Variants in TEAD2 observed in about 807,000 individuals in gnomAD.
The protein encoded by TEAD2 is transcriptional enhancer factor TEF-4.
In TEAD2, 51 loss-of-function variants were observed where a neutral mutation model predicts 61.4. The observed-to-expected ratio is 0.83, with a 90% CI of 0.66 to 1.05. The LOEUF is 1.05. Among genes scored for constraint, TEAD2 ranks in the 50% least tolerant of loss-of-function variants. The pLI is 0.00. For missense variants in TEAD2, 509 were observed against 600.0 expected (o/e 0.85, Z 1.58); for synonymous variants, 244 against 243.2 (o/e 1.00, Z -0.03).
intron 12 of TEAD2, among the ~76,000 whole-genome samples, 199 bp downstream of exon 12, chr19:49,342,239 G>A (rs1269729592): frequency 3.7e-5 from 4 of 107,846 alleles, no homozygotes. Flanking sequence ...CCTGGGTGAA[G>A]GGTCCCCTAA....
chr19:49,360,626 G>C (rs1317201786), intron 1 of TEAD2, among the ~76,000 whole-genome samples: 1 of 152,020 alleles, frequency 6.6e-6, no homozygotes, highest in Non-Finnish European at 1.5e-5. Flanking sequence ...AGGAAGGTGT[G>C]GGTGAAACTT....
intron 10 of TEAD2, among the ~76,000 whole-genome samples, chr19:49,344,411 G>T (rs1053620243): frequency 6.6e-6 from 1 of 152,046 alleles, no homozygotes; most frequent in Admixed American, 6.6e-5. Flanking sequence ...CTCCCAAGTG[G>T]CTGGGATTAC....
chr19:49,345,393 C>T (rs1300492353), intron 10 of TEAD2, among the ~76,000 whole-genome samples: 3 of 151,870 alleles, frequency 2.0e-5, no homozygotes, highest in Non-Finnish European at 4.4e-5. Context: ...CATTCTGTCA[C>T]CCAGGCTGGA....
intron 8 of TEAD2, 46 bp downstream of exon 8, chr19:49,351,255 G>A (rs930126086): frequency 1.4e-5 from 22 of 1,563,890 alleles, no homozygotes; most frequent in African/African-American, 1.4e-4. Context: ...AGTAGGGGTC[G>A]AAGAGAGAGA....
chr19:49,351,606 T>C (rs1427629400), intron 7 of TEAD2, among the ~76,000 whole-genome samples: 1 of 152,138 alleles, frequency 6.6e-6, no homozygotes, highest in African/African-American at 2.4e-5. Flanking sequence ...GCAGCAGAGC[T>C]GGGACTTGAA....
At chr19:49,353,435 G>A (rs945347737) in intron 7 of TEAD2, among the ~76,000 whole-genome samples, 40 of 151,914 alleles carry the variant, frequency 2.6e-4, no homozygotes, top group African/African-American at 9.7e-4. Flanking sequence ...AGTCCTACCC[G>A]GCCTTCAATG....
chr19:49,344,081 A>G (rs1971481980), intron 10 of TEAD2, among the ~76,000 whole-genome samples: 1 of 152,030 alleles, frequency 6.6e-6, no homozygotes, highest in Admixed American at 6.6e-5. Flanking sequence ...TCCTGGGCTC[A>G]AGCGATCCTC....
At chr19:49,357,422 T>C in intron 3 of TEAD2, 108 bp from the exon 4 acceptor site, 1 of 1,159,534 alleles carries the variant, frequency 8.6e-7, no homozygotes, top group East Asian at 2.5e-5. Context: ...CCATGAAAGG[T>C]GAAAAACACA....
intron 10 of TEAD2, among the ~76,000 whole-genome samples, chr19:49,343,651 T>A (rs1428479534): frequency 2.6e-5 from 4 of 151,144 alleles, no homozygotes; most frequent in Non-Finnish European, 5.9e-5. Flanking sequence ...CGCAGGAGAA[T>A]CACTTGAACC....
chr19:49,342,544 A>G lies in TEAD2; in HGVS notation c.1136T>C (p.Leu379Pro), dbSNP rs1382062038. Residue 379 changes from leucine (L) to proline (P), a missense_variant, in exon 12 of 13, where the codon CTG becomes CCG. Physicochemically the swap from Leu to Pro is moderately conservative, Grantham distance 98 (BLOSUM62 -3). Coordinates refer to ENST00000593945, the MANE Select transcript of TEAD2 (RefSeq NM_001256660.2). ...LEDGRFVYRLLRSPMCEYLVN... is the reference protein window; with the variant it reads ...LEDGRFVYRLPRSPMCEYLVN... ...CAGGTACTCGCACATGGGCGAGCGC[A>G]GCAGGCGGTACACAAATCTGCCGTC... The G allele has an allele frequency of 6.2e-7, 1 of 1,614,052 alleles. No homozygotes were observed. The highest frequency in any genetic ancestry group is 8.5e-7 in the Non-Finnish European group (1 of 1,179,946).
At chr19:49,356,590 A>T (rs1438515287) in intron 4 of TEAD2, among the ~76,000 whole-genome samples, 2 of 152,064 alleles carry the variant, frequency 1.3e-5, no homozygotes, top group South Asian at 2.1e-4. Context: ...GGTCATGCAA[A>T]GGTCAGGAAA....
intron 1 of TEAD2, chr19:49,360,452 T>G (rs12104362): frequency 0.022 from 5,890 of 271,316 alleles, 320 homozygotes; most frequent in African/African-American, 0.12. Context: ...CTGGATTTCT[T>G]GGAAAGCTGA....
Position 49,341,383 on chromosome 19 carries a change from C to T in TEAD2, c.1297G>A (p.Glu433Lys), listed in dbSNP as rs1251469887. 2 of 1,614,002 alleles carry T rather than the reference C, an allele frequency of 1.2e-6. No homozygotes were observed. Among genetic ancestry groups the T allele is most frequent in the Non-Finnish European group, 1.7e-6 (2 of 1,179,970 alleles). ...GCCCCACGCTCGCTGGTGGAGACCT[C>T]GAAGACATAGGCGGTGCAGAGCAGC... ...ELLLCTAYVF[E>K]VSTSERGAQH... is the part of the protein sequence containing the mutation. The change falls in exon 13 of 13, where the codon GAG becomes AAG. Residue 433 changes from glutamate to lysine, a missense_variant. By Grantham distance (56) the Glu-to-Lys change is moderately conservative (BLOSUM62 1). Transcript: ENST00000593945. The surrounding 1 kb of genome is among the most constrained non-coding windows in gnomAD (Gnocchi z 4.2).
At chr19:49,357,827 G>T (rs1972507360) in intron 3 of TEAD2, 1 of 166,126 alleles carries the variant, frequency 6.0e-6, no homozygotes, top group African/African-American at 2.4e-5. Flanking sequence ...GCCAGGTGTG[G>T]TGGCTCACGC....
At position 49,341,262 on chromosome 19, in the gene TEAD2, G is replaced by T; in HGVS notation, c.*62C>A. 1 of 1,380,368 alleles carries T rather than the reference G, an allele frequency of 7.2e-7. No individual in the cohort carries two copies. Among genetic ancestry groups the T allele is most frequent in the Non-Finnish European group, 1.0e-6 (1 of 970,102 alleles). 85.5% of individuals were successfully genotyped at this position (1,380,368 alleles called of 1,614,324 possible). On this transcript the variant is annotated 3_prime_UTR_variant, in exon 13 of 13. Transcript: ENST00000593945. The surrounding 1 kb of genome is among the most constrained non-coding windows in gnomAD (Gnocchi z 4.2). ...TCCCCAAATAAGAAGCATGAGGTGA[G>T]CTGGAGGACCCTCCCTGGGAGGAGG...
intron 8 of TEAD2, among the ~76,000 whole-genome samples, chr19:49,350,531 C>T (rs953441824): frequency 2.0e-5 from 3 of 151,882 alleles, no homozygotes; most frequent in East Asian, 1.9e-4. Flanking sequence ...GGGGTGGTTT[C>T]GCCATGTTGG....
intron 5 of TEAD2, among the ~76,000 whole-genome samples, chr19:49,355,701 C>T (rs1433317135): frequency 6.6e-6 from 1 of 152,108 alleles, no homozygotes; most frequent in East Asian, 1.9e-4. Flanking sequence ...GTGGTGCACA[C>T]GCATAATCCC....
rs146461192 is a variant in TEAD2, at chr19:49,347,310, C to A, written c.801G>T (p.Ala267=). ...GGACGTCCACACTCTCGAGCGGCGG[C>A]GCTCCGGGGCTGGGGCAGTGCTGGC... is the stretch of plus-strand genomic sequence containing the variant. The part of the protein sequence containing the change: ...HISQHCPSPG[A]PPLESVDVRQ... The change falls in exon 10 of 13, where the codon GCG becomes GCT. Residue 267 remains alanine, a synonymous_variant. Coordinates refer to ENST00000593945, the MANE Select transcript of TEAD2 (RefSeq NM_001256660.2). The A allele has an allele frequency of 1.2e-6, 2 of 1,613,338 alleles. No individual in the cohort carries two copies. Among genetic ancestry groups the A allele is most frequent in the Non-Finnish European group, 1.7e-6 (2 of 1,180,016 alleles).
At chr19:49,344,607 G>A (rs187370431) in intron 10 of TEAD2, among the ~76,000 whole-genome samples, 9 of 152,196 alleles carry the variant, frequency 5.9e-5, no homozygotes, top group East Asian at 1.9e-4. Flanking sequence ...CTTGAAGCCC[G>A]CAACTCAAGA....
Sources: allele counts gnomAD v4.1 joint callset (sites outside exome capture counted in the v4.1 genomes callset), GRCh38; gene constraint gnomAD v4.1.1; non-coding constraint Gnocchi (gnomAD v3.1); transcripts MANE v1.5; gene names NCBI Gene and HGNC (gene_info 2026-07-23, HGNC 2026-07-21).